PRLR: variants seen among roughly 807,000 people sequenced by gnomAD.
PRLR encodes the protein prolactin receptor, also known as hPRL receptor.
Under a neutral mutation model 40.2 loss-of-function variants are expected in PRLR, and 13 were observed. That is an observed-to-expected ratio of 0.32 (90% CI 0.21 to 0.51). PRLR has a LOEUF of 0.51. PRLR is among the 20% of genes least tolerant of loss of function. The pLI is 0.97. For missense variants in PRLR, 656 were observed against 747.3 expected, an observed-to-expected ratio of 0.88 and a Z score of 1.42; for synonymous variants, 269 against 278.7, an observed-to-expected ratio of 0.97 and a Z score of 0.35.
At chr5:35,111,257 T>C (rs1233511012) in intron 2 of PRLR, among the ~76,000 whole-genome samples, 1 of 152,206 alleles carries the variant, frequency 6.6e-6, no homozygotes, top group East Asian at 1.9e-4. Context: ...AATGGCAACA[T>C]ATATTTTAAT....
chr5:35,130,765 CA>C (rs1773643907), intron 1 of PRLR, among the ~76,000 whole-genome samples: 2 of 152,140 alleles, frequency 1.3e-5, no homozygotes, highest in South Asian at 4.1e-4. Flanking sequence ...AGGGTCCTTG[CA>C]AATGTAATTG....
chr5:35,205,799 A>G (rs1327616010), intron 1 of PRLR, among the ~76,000 whole-genome samples: 2 of 152,212 alleles, frequency 1.3e-5, no homozygotes, highest in African/African-American at 4.8e-5. Context: ...CATTCCTGTT[A>G]GAGGCTGATA....
At chr5:35,189,323 G>C (rs1775536133) in intron 1 of PRLR, among the ~76,000 whole-genome samples, 1 of 152,192 alleles carries the variant, frequency 6.6e-6, no homozygotes, top group East Asian at 1.9e-4. Context: ...GCTTACACCT[G>C]TGATCCCAGC....
At chr5:35,121,052 A>G (rs1773273361) in intron 1 of PRLR, among the ~76,000 whole-genome samples, 1 of 152,214 alleles carries the variant, frequency 6.6e-6, no homozygotes, top group Non-Finnish European at 1.5e-5. Context: ...TGCAAAATGA[A>G]TTTATTCTAG....
At chr5:35,207,505 TTGAG>T (rs1425247645) in intron 1 of PRLR, among the ~76,000 whole-genome samples, 1 of 151,900 alleles carries the variant, frequency 6.6e-6, no homozygotes, top group African/African-American at 2.4e-5. Flanking sequence ...TATAAAAGAA[TTGAG>T]TAAGTGGGAA....
intron 1 of PRLR, among the ~76,000 whole-genome samples, chr5:35,214,458 C>A (rs567026003): frequency 1.3e-5 from 2 of 152,324 alleles, no homozygotes; most frequent in Non-Finnish European, 2.9e-5. Flanking sequence ...AAGGGGCAAA[C>A]GCATTGAGGA....
rs141306525 is a variant in PRLR, at chr5:35,097,857, A to G, written c.-43-8194T>C. On this transcript the variant is annotated intron_variant, in intron 2 of 9. Transcript: ENST00000618457. ...GGGCCCTAGGAAGGGGATTTTTAAC[A>G]AGCACTTAGATGATTCTTATCACGC... Among the ~76,000 whole-genome samples the G allele has an allele frequency of 1.9e-3, 293 of 152,248 alleles. 1 individual carries two copies. The highest frequency in any genetic ancestry group is 6.7e-3 in the African/African-American group (280 of 41,534).
rs1428564097 is a variant in PRLR at position 35,104,988 on chromosome 5, C to G, written c.-44+13073G>C. Among the ~76,000 whole-genome samples the G allele has an allele frequency of 2.6e-5, 4 of 152,320 alleles. No homozygotes were observed. In the East Asian group the frequency reaches 7.7e-4, roughly 29 times the overall value. ...ACTTCCCAGTAGGGGCCGACTGACA[C>G]CTCATACACGCAGGTGCCCCTCTGA... On this transcript the variant is annotated intron_variant, in intron 2 of 9. Transcript: ENST00000618457.
intron 9 of PRLR, among the ~76,000 whole-genome samples, chr5:35,067,012 C>T (rs1769421869): frequency 1.3e-5 from 2 of 152,110 alleles, no homozygotes; most frequent in African/African-American, 4.8e-5. Context: ...ATCTGCCCGC[C>T]TCTGCCTTCC....
chr5:35,077,000 G>T lies in PRLR; in HGVS notation c.374-4256C>A, dbSNP rs531537083. ...CTTTACAGACAAGCAAATGCTGAGA[G>T]ATTTTGTCACTACCAGGCCTGCCTT... On this transcript the variant is annotated intron_variant, in intron 5 of 9. Transcript: ENST00000618457. Among the ~76,000 whole-genome samples, 60 of 152,326 alleles carry T rather than the reference G, an allele frequency of 3.9e-4. 1 individual carries two copies. The highest frequency in any genetic ancestry group is 1.4e-3 in the African/African-American group (57 of 41,574).
chr5:35,218,596 T>C (rs1336657793), intron 1 of PRLR, among the ~76,000 whole-genome samples: 3 of 152,182 alleles, frequency 2.0e-5, no homozygotes, highest in Non-Finnish European at 4.4e-5. Context: ...CGCTAGTTAT[T>C]GAGAAACCAA....
intron 1 of PRLR, among the ~76,000 whole-genome samples, chr5:35,118,642 G>T (rs2111715738): frequency 1.3e-5 from 2 of 152,140 alleles, no homozygotes; most frequent in Middle Eastern, 3.4e-3. Context: ...ATAAAATTTG[G>T]TCCTGGAGAC....
chr5:35,192,028 A>C (rs1349421604), intron 1 of PRLR, among the ~76,000 whole-genome samples: 2 of 152,164 alleles, frequency 1.3e-5, no homozygotes, highest in Admixed American at 6.5e-5. Flanking sequence ...AGGCCCTCTC[A>C]TGCAGGCCGT....
intron 6 of PRLR, among the ~76,000 whole-genome samples, chr5:35,071,454 T>C (rs1044451688): frequency 6.6e-6 from 1 of 152,242 alleles, no homozygotes; most frequent in South Asian, 2.1e-4. Flanking sequence ...TTAATTTTCC[T>C]ATGTGTGATC....
intron 5 of PRLR, among the ~76,000 whole-genome samples, chr5:35,083,446 CTCTGTGTG>C (rs1205527667): frequency 7.1e-6 from 1 of 141,380 alleles, no homozygotes; most frequent in African/African-American, 2.9e-5. Flanking sequence ...CTTCCTCTCT[CTCTGTGTG>C]TGTGTGTGTG....
downstream of PRLR, among the ~76,000 whole-genome samples, chr5:35,053,875 G>A (rs1266303075): frequency 1.3e-5 from 2 of 152,192 alleles, no homozygotes; most frequent in Non-Finnish European, 2.9e-5. Flanking sequence ...ATGGTGGTGT[G>A]AGAATTAATA....
chr5:35,196,889 G>A (rs534726286), intron 1 of PRLR, among the ~76,000 whole-genome samples: 5 of 152,260 alleles, frequency 3.3e-5, no homozygotes, highest in African/African-American at 4.8e-5. Context: ...TCTGGTTAGG[G>A]CTCTTTTCTG....
intron 8 of PRLR, among the ~76,000 whole-genome samples, chr5:35,050,059 T>C (rs1015846923): frequency 6.6e-6 from 1 of 151,976 alleles, no homozygotes; most frequent in Non-Finnish European, 1.5e-5. Context: ...AGCTACTCCA[T>C]GCCCAGCTAA....
intron 1 of PRLR, among the ~76,000 whole-genome samples, chr5:35,131,874 T>C (rs1773694518): frequency 6.6e-6 from 1 of 152,202 alleles, no homozygotes; most frequent in Non-Finnish European, 1.5e-5. Context: ...GATGTCTTGT[T>C]ATTCTTTCTT....
Sources: allele counts gnomAD v4.1 joint callset (sites outside exome capture counted in the v4.1 genomes callset), GRCh38; gene constraint gnomAD v4.1.1; transcripts MANE v1.5; gene names NCBI Gene and HGNC (gene_info 2026-07-23, HGNC 2026-07-21).